GHR: variants seen among roughly 807,000 people sequenced by gnomAD.
GHR encodes the protein GH receptor.
In GHR, 35 loss-of-function variants were observed where a neutral mutation model predicts 67.1. The ratio of observed to expected loss-of-function variants is 0.52; its 90% CI spans 0.40 to 0.69. GHR has a LOEUF of 0.69. Among genes scored for constraint, GHR ranks in the 30% least tolerant of loss-of-function variants. The probability of loss-of-function intolerance (pLI) is 0.00; values close to 1 mark genes in which losing one functional copy is unlikely to be tolerated. For missense variants in GHR, 792 were observed against 764.6 expected (o/e 1.04, Z -0.42); for synonymous variants, 272 against 269.1 (o/e 1.01, Z -0.10).
At chr5:42,475,115 C>A (rs1246975613) in intron 1 of GHR, among the ~76,000 whole-genome samples, 1 of 152,062 alleles carries the variant, frequency 6.6e-6, no homozygotes, top group Non-Finnish European at 1.5e-5. Flanking sequence ...AACTCCTGAC[C>A]TCAAGGCCCA....
intron 1 of GHR, among the ~76,000 whole-genome samples, chr5:42,503,094 G>C (rs1005873553): frequency 6.6e-6 from 1 of 152,114 alleles, no homozygotes; most frequent in African/African-American, 2.4e-5. Flanking sequence ...CGGGGTCTCT[G>C]AGACAACTCT....
intron 2 of GHR, among the ~76,000 whole-genome samples, chr5:42,606,695 CCAAA>C (rs1356041708): frequency 1.3e-5 from 2 of 152,102 alleles, no homozygotes; most frequent in East Asian, 1.9e-4. Context: ...CTTTCTGGGG[CCAAA>C]CAAACTGCAT....
chr5:42,532,348 T>C (rs1579884106), intron 1 of GHR, among the ~76,000 whole-genome samples: 1 of 151,328 alleles, frequency 6.6e-6, no homozygotes, highest in African/African-American at 2.4e-5. Flanking sequence ...TTGATATAGA[T>C]GATAGATAGA....
intron 3 of GHR, among the ~76,000 whole-genome samples, chr5:42,651,828 T>G (rs1347305510): frequency 3.3e-5 from 5 of 152,158 alleles, no homozygotes; most frequent in Non-Finnish European, 7.4e-5. Flanking sequence ...CACTCTCGAG[T>G]TAAACTCTTG....
intron 2 of GHR, among the ~76,000 whole-genome samples, chr5:42,591,382 T>C (rs965715639): frequency 4.6e-5 from 7 of 152,214 alleles, no homozygotes; most frequent in Admixed American, 6.5e-5. Context: ...GATTTTCTCT[T>C]TCAGAACAAG....
At chr5:42,508,826 G>A (rs539655673) in intron 1 of GHR, among the ~76,000 whole-genome samples, 5 of 152,210 alleles carry the variant, frequency 3.3e-5, no homozygotes, top group South Asian at 2.1e-4. Flanking sequence ...CACCCGGCTC[G>A]GCCTCCCAAA....
intron 3 of GHR, among the ~76,000 whole-genome samples, chr5:42,641,753 T>C (rs138689799): frequency 1.4e-3 from 218 of 152,328 alleles, no homozygotes; most frequent in African/African-American, 4.8e-3. Flanking sequence ...TTTAATTGAA[T>C]AATCTTGGTT....
chr5:42,593,215 G>A (rs981796393), intron 2 of GHR, among the ~76,000 whole-genome samples: 3 of 152,094 alleles, frequency 2.0e-5, no homozygotes, highest in Non-Finnish European at 2.9e-5. Flanking sequence ...CTTGTGTCAC[G>A]TACTATATCT....
At chr5:42,689,053 C>A (rs1379306823) in intron 4 of GHR, 34 bp downstream of exon 4, 1 of 1,589,968 alleles carries the variant, frequency 6.3e-7, no homozygotes, top group Admixed American at 1.7e-5. Context: ...TTTTCCTCTC[C>A]ATGGATGTAC....
At chr5:42,447,454 T>G (rs1743853573) in intron 1 of GHR, among the ~76,000 whole-genome samples, 1 of 152,174 alleles carries the variant, frequency 6.6e-6, no homozygotes, top group African/African-American at 2.4e-5. Context: ...AATGCCATTA[T>G]TTTGTTCGTT....
At chr5:42,468,903 A>G (rs1365586360) in intron 1 of GHR, 1 of 672,988 alleles carries the variant, frequency 1.5e-6, no homozygotes. Flanking sequence ...CACGGATTGC[A>G]GCGGGCTGCG....
chr5:42,443,655 C>T (rs1743679338), intron 1 of GHR, among the ~76,000 whole-genome samples: 1 of 151,600 alleles, frequency 6.6e-6, no homozygotes, highest in Non-Finnish European at 1.5e-5. Flanking sequence ...GAGATTGGCT[C>T]ACACAATTAT....
intron 1 of GHR, among the ~76,000 whole-genome samples, chr5:42,511,696 G>A (rs1169083997): frequency 1.3e-5 from 2 of 152,122 alleles, no homozygotes; most frequent in South Asian, 4.1e-4. Flanking sequence ...TTGCAGGTGT[G>A]TGTGTGTGTG....
At position 42,567,053 on chromosome 5, in the gene GHR, C is replaced by A. The variant is rs866930253; in HGVS notation, c.70+1109C>A. 1.1e-3 allele frequency among the ~76,000 whole-genome samples: 170 copies of A among 152,234 alleles called. 1 individual carries two copies. The highest frequency in any genetic ancestry group is 4.0e-3 in the African/African-American group (168 of 41,526). The stretch of plus-strand genomic sequence containing the variant: ...CTGGCGTTATAATGTCAACATTATG[C>A]AAGTCAAACATGGAGAGAATTGCAG... On this transcript the variant is annotated intron_variant, in intron 2 of 9. Coordinates refer to ENST00000230882, the MANE Select transcript of GHR (RefSeq NM_000163.5).
At chr5:42,604,334 CTGAA>C (rs1466142762) in intron 2 of GHR, among the ~76,000 whole-genome samples, 2 of 152,202 alleles carry the variant, frequency 1.3e-5, no homozygotes, top group African/African-American at 2.4e-5. Flanking sequence ...TGCTAACAGA[CTGAA>C]TGGAAAACCC....
chr5:42,670,756 A>C (rs1756234247), intron 3 of GHR, among the ~76,000 whole-genome samples: 2 of 151,928 alleles, frequency 1.3e-5, no homozygotes, highest in South Asian at 2.1e-4. Context: ...TAGTGGGTGC[A>C]GTGCACCAGC....
chr5:42,657,482 AAGAG>A (rs1216771410), intron 3 of GHR, among the ~76,000 whole-genome samples: 1 of 152,144 alleles, frequency 6.6e-6, no homozygotes, highest in Non-Finnish European at 1.5e-5. Context: ...CCTGGCTAGA[AAGAG>A]AGAGAGGAAA....
At chr5:42,484,378 A>G (rs1745788715) in intron 1 of GHR, among the ~76,000 whole-genome samples, 1 of 152,224 alleles carries the variant, frequency 6.6e-6, no homozygotes, top group South Asian at 2.1e-4. Flanking sequence ...TAAATCTGGT[A>G]GTTTGGAAGA....
intron 1 of GHR, among the ~76,000 whole-genome samples, chr5:42,482,296 G>A (rs1034024398): frequency 2.0e-5 from 3 of 152,180 alleles, no homozygotes; most frequent in African/African-American, 7.2e-5. Context: ...CCCCTGCTGG[G>A]GGGTGCCTCC....
Sources: allele counts gnomAD v4.1 joint callset (sites outside exome capture counted in the v4.1 genomes callset), GRCh38; gene constraint gnomAD v4.1.1; transcripts MANE v1.5; gene names NCBI Gene and HGNC (gene_info 2026-07-23, HGNC 2026-07-21).